The following THOC1 variants were observed in gnomAD, a reference collection of about 807,000 sequenced individuals.
THOC1 encodes THO complex subunit 1.
Under a neutral mutation model 97.3 loss-of-function variants are expected in THOC1, and 29 were observed. The observed-to-expected ratio is 0.30, with a 90% CI of 0.22 to 0.41. THOC1 has a LOEUF of 0.41. Among genes scored for constraint, THOC1 ranks in the 10% least tolerant of loss-of-function variants. THOC1 has a pLI of 1.00. For synonymous variants in THOC1, 255 were observed against 257.0 expected, an observed-to-expected ratio of 0.99 and a Z score of 0.07; for missense variants, 529 against 761.9, an observed-to-expected ratio of 0.69 and a Z score of 3.60.
chr18:258,142 T>C (rs1337226040), intron 7 of THOC1, among the ~76,000 whole-genome samples: 1 of 151,798 alleles, frequency 6.6e-6, no homozygotes, highest in African/African-American at 2.4e-5. Context: ...CTTCAAGAAG[T>C]GAGACTGACA....
chr18:239,453 T>A (rs1044025203), intron 11 of THOC1, among the ~76,000 whole-genome samples: 1 of 152,096 alleles, frequency 6.6e-6, no homozygotes, highest in African/African-American at 2.4e-5. Context: ...CATAGGCACC[T>A]GCCACCACGC....
chr18:230,863 G>A (rs1911461556), intron 11 of THOC1, among the ~76,000 whole-genome samples: 1 of 152,180 alleles, frequency 6.6e-6, no homozygotes, highest in Non-Finnish European at 1.5e-5. Context: ...AGCCTCCTGA[G>A]TAGCTAGGAC....
At chr18:224,251 A>G in intron 15 of THOC1, 72 bp from the exon 16 acceptor site, 1 of 1,184,868 alleles carries the variant, frequency 8.4e-7, no homozygotes, top group East Asian at 2.6e-5. Context: ...TGTTTAACGT[A>G]AAAGAAAATT....
rs8093598 is a variant in THOC1 at position 218,753 on chromosome 18, C to A, written c.1454+133G>T. On this transcript the variant is annotated intron_variant, in intron 18 of 20. Coordinates refer to ENST00000261600, the MANE Select transcript of THOC1 (RefSeq NM_005131.3). ...GATGTGTACTAACAAGAACTTGGAACATAAACTCACCTAAGAGAAAAAGCA... is the reference window on the plus strand; with the variant it reads ...GATGTGTACTAACAAGAACTTGGAAAATAAACTCACCTAAGAGAAAAAGCA... 23,783 of 680,670 alleles carry A rather than the reference C, an allele frequency of 0.035. 2,866 individuals carry two copies. In the East Asian group the frequency reaches 0.36, roughly 10 times the overall value. 42.2% of individuals were successfully genotyped at this position (680,670 alleles called of 1,614,324 possible). A position where few individuals can be genotyped will look rare whatever the true frequency, so the allele number is the denominator to read the frequency against.
Position 254,224 on chromosome 18 carries a change from T to C in THOC1, c.603+49A>G, listed in dbSNP as rs1407231301. 5.2e-6 allele frequency: 7 copies of C among 1,348,032 alleles called. No homozygotes were observed. Among genetic ancestry groups the C allele is most frequent in the African/African-American group, 1.4e-5 (1 of 69,210 alleles). The allele number at this position is 1,348,032 out of a possible 1,614,324, so 83.5% of individuals were successfully genotyped here. A position where few individuals can be genotyped will look rare whatever the true frequency, so the allele number is the denominator to read the frequency against. ...ACTGTGCCTGGACCCACTATCTTAA[T>C]AACAAACTTGCAAATATGTTATCTG... On this transcript the variant is annotated intron_variant, in intron 8 of 20. Transcript: ENST00000261600. The surrounding 1 kb of genome is among the most constrained non-coding windows in gnomAD (Gnocchi z 4.1).
chr18:221,159 C>T (rs573482816), intron 17 of THOC1, among the ~76,000 whole-genome samples: 8 of 152,150 alleles, frequency 5.3e-5, no homozygotes, highest in Non-Finnish European at 7.3e-5. Context: ...GCTATTCACA[C>T]ATAATTTACA....
At chr18:256,071 A>G (rs1912427165) in intron 7 of THOC1, among the ~76,000 whole-genome samples, 1 of 152,236 alleles carries the variant, frequency 6.6e-6, no homozygotes, top group Non-Finnish European at 1.5e-5. Flanking sequence ...TCTGATGGAG[A>G]TGGGCAAGGA....
In THOC1 at chr18:234,799, A is replaced by ATT. The variant is rs1911617189; in HGVS notation, c.919-7900_919-7899dup. Among the ~76,000 whole-genome samples, 3 of 152,314 alleles carry ATT rather than the reference A, an allele frequency of 2.0e-5. No individual in the cohort carries two copies. The South Asian group carries it at 6.2e-4, about 32-fold the overall frequency. ...TACTTAATTTGTGAGTTTGTAAGAC[A>ATT]TTTTTTATTTCTATAAATAGAAAAC... On this transcript the variant is annotated intron_variant, in intron 11 of 20. Coordinates refer to ENST00000261600, the MANE Select transcript of THOC1 (RefSeq NM_005131.3).
intron 16 of THOC1, 146 bp downstream of exon 16, chr18:223,938 A>T: frequency 1.6e-6 from 1 of 626,556 alleles, no homozygotes; most frequent in Non-Finnish European, 2.8e-6. Flanking sequence ...CACAATGGGC[A>T]GTATAGACAG....
rs547363031 is a variant in THOC1 at position 236,332 on chromosome 18, C to G, written c.919-9431G>C. On this transcript the variant is annotated intron_variant, in intron 11 of 20. Coordinates refer to ENST00000261600, the MANE Select transcript of THOC1 (RefSeq NM_005131.3). ...AATTACAGAACTCAGCTTTGCATAACTAGGAAAGAATAAGATTCTTTTTTT... is the reference window on the plus strand; with the variant it reads ...AATTACAGAACTCAGCTTTGCATAAGTAGGAAAGAATAAGATTCTTTTTTT... 2.7e-5 allele frequency among the ~76,000 whole-genome samples: 4 copies of G among 148,534 alleles called. No homozygotes were observed. The South Asian group carries it at 8.5e-4, about 32-fold the overall frequency.
In THOC1 at chr18:228,206, A is replaced by G. The variant is rs548264579; in HGVS notation, c.919-1305T>C. On this transcript the variant is annotated intron_variant, in intron 11 of 20. Transcript: ENST00000261600. ...TGTGGCCACAGCTAGACCTGGGGTC[A>G]CTCACAGCTGCCCCAGATCTGAAGT... 2.6e-5 allele frequency among the ~76,000 whole-genome samples: 4 copies of G among 152,132 alleles called. No individual in the cohort carries two copies. In the South Asian group the frequency reaches 6.2e-4, roughly 24 times the overall value.
intron 3 of THOC1, among the ~76,000 whole-genome samples, chr18:264,647 G>C (rs1912707088): frequency 6.6e-6 from 1 of 152,170 alleles, no homozygotes; most frequent in South Asian, 2.1e-4. Flanking sequence ...CCTCACAATG[G>C]AAAAGTGACT....
At chr18:227,271 G>A (rs1180449497) in intron 11 of THOC1, among the ~76,000 whole-genome samples, 2 of 152,108 alleles carry the variant, frequency 1.3e-5, no homozygotes, top group African/African-American at 4.8e-5. Context: ...CTTGAGCTCA[G>A]GAGTTCGAGA....
intron 1 of THOC1, among the ~76,000 whole-genome samples, chr18:267,262 C>G (rs514003): frequency 0.63 from 95,584 of 151,918 alleles, 30,260 homozygotes; most frequent in South Asian, 0.76. Context: ...AGAAAAACCA[C>G]TGAAGTCACA....
intron 11 of THOC1, among the ~76,000 whole-genome samples, chr18:229,855 C>T (rs1423367495): frequency 3.9e-5 from 6 of 152,108 alleles, no homozygotes; most frequent in Non-Finnish European, 4.4e-5. Context: ...CTCCTCTTCT[C>T]CCTTCATTCT....
chr18:214,743 GGCAACCAGGA>G lies in THOC1; in HGVS notation c.1847_1856del (p.Leu616ProfsTer15). On this transcript the variant is annotated frameshift_variant, in exon 21 of 21. Transcript: ENST00000261600. LOFTEE classifies it high-confidence loss of function. ...CATGAACTCCCTCTTGATCTTGCCA[GGCAACCAGGA>G]GCTGCTTAGCTCTCATCTTCATGTC... is the stretch of plus-strand genomic sequence containing the variant. The G allele has an allele frequency of 6.2e-7, 1 of 1,613,940 alleles. No homozygotes were observed.
chr18:231,927 G>C (rs1173759165), intron 11 of THOC1, among the ~76,000 whole-genome samples: 1 of 152,102 alleles, frequency 6.6e-6, no homozygotes, highest in East Asian at 1.9e-4. Context: ...AATACATGTT[G>C]CTCTAGTTCA....
chr18:230,532 G>C (rs569311777), intron 11 of THOC1, among the ~76,000 whole-genome samples: 14 of 152,246 alleles, frequency 9.2e-5, no homozygotes, highest in Admixed American at 5.2e-4. Flanking sequence ...CAAGCTAACT[G>C]CTTCACATTA....
rs1912091076 is a variant in THOC1, at chr18:246,459, C to A, written c.787-4G>T. On this transcript the variant is annotated splice_polypyrimidine_tract_variant and splice_region_variant and intron_variant, in intron 10 of 20. Transcript: ENST00000261600. ...CAGCTAAAACTTCTTCAGAATACTG[C>A]AAAATAAAAATATTAGTTTTATTCG... 2 of 1,559,064 alleles carry A rather than the reference C, an allele frequency of 1.3e-6. No homozygotes were observed. Among genetic ancestry groups the A allele is most frequent in the Non-Finnish European group, 1.7e-6 (2 of 1,151,168 alleles).
Sources: allele counts gnomAD v4.1 joint callset (sites outside exome capture counted in the v4.1 genomes callset), GRCh38; gene constraint gnomAD v4.1.1; non-coding constraint Gnocchi (gnomAD v3.1); transcripts MANE v1.5; gene names NCBI Gene and HGNC (gene_info 2026-07-23, HGNC 2026-07-21).